The following HDAC4 variants were observed in gnomAD, a reference collection of about 807,000 sequenced individuals.
HDAC4 encodes histone deacetylase A.
A neutral mutation model predicts 135.1 loss-of-function variants in HDAC4; 16 were observed. That is an observed-to-expected ratio of 0.12 (90% CI 0.08 to 0.18). HDAC4 has a LOEUF of 0.18. Among genes scored for constraint, HDAC4 ranks in the 10% least tolerant of loss-of-function variants. The probability of loss-of-function intolerance (pLI) is 1.00; values close to 1 mark genes in which losing one functional copy is unlikely to be tolerated. For missense variants in HDAC4, 1,143 were observed against 1,511.8 expected, an observed-to-expected ratio of 0.76 and a Z score of 4.05; for synonymous variants, 685 against 653.4, an observed-to-expected ratio of 1.05 and a Z score of -0.74.
intron 22 of HDAC4, among the ~76,000 whole-genome samples, chr2:239,069,785 G>C (rs2033971617): frequency 6.6e-6 from 1 of 150,996 alleles, no homozygotes; most frequent in African/African-American, 2.4e-5. Flanking sequence ...CACTGCACTT[G>C]CTTGGTGAGA....
rs925260466 is a variant in HDAC4 at position 239,308,033 on chromosome 2, G to A, written c.22+44645C>T. On this transcript the variant is annotated intron_variant, in intron 2 of 26. Coordinates refer to ENST00000543185, the MANE Select transcript of HDAC4 (RefSeq NM_001378414.1). This position sits in a 1 kb window ranked among gnomAD's most constrained non-coding sequence, Gnocchi z 4.2. The stretch of plus-strand genomic sequence containing the variant: ...GTGGCCACACAGCAACGAGCTGCGA[G>A]GAGCCAAGGATGGCCCATCCCACCC... Among the ~76,000 whole-genome samples the A allele has an allele frequency of 6.6e-6, 1 of 152,218 alleles. No homozygotes were observed. The highest frequency in any genetic ancestry group is 1.5e-5 in the Non-Finnish European group (1 of 68,040).
intron 17 of HDAC4, chr2:239,094,786 C>T: frequency 7.1e-7 from 1 of 1,409,284 alleles, no homozygotes; most frequent in Non-Finnish European, 9.3e-7. Flanking sequence ...CCCCAGAGCC[C>T]CAGCCACCTG....
chr2:239,148,702 T>C (rs952211609), intron 7 of HDAC4, among the ~76,000 whole-genome samples: 3 of 152,194 alleles, frequency 2.0e-5, no homozygotes, highest in Admixed American at 6.5e-5. Flanking sequence ...CAAGAGCCAC[T>C]GGAAGACGTG....
rs375904820 is a variant in HDAC4 at position 239,115,332 on chromosome 2, T to G, written c.1534-22A>C. ...TGATCTGCAAGGCGGAGGTAACACA[T>G]GAAGCACAGAGAGCTGGGTCCTCTG... On this transcript the variant is annotated intron_variant, in intron 12 of 26. Coordinates refer to ENST00000543185, the MANE Select transcript of HDAC4 (RefSeq NM_001378414.1). This position sits in a 1 kb window ranked among gnomAD's most constrained non-coding sequence, Gnocchi z 6.3. 95 of 1,612,732 alleles carry G rather than the reference T, an allele frequency of 5.9e-5. No homozygotes were observed. The Middle Eastern group carries it at 1.3e-3, about 22-fold the overall frequency.
In HDAC4 at chr2:239,068,337, T is replaced by C. The variant is rs561966813; in HGVS notation, c.2869+152A>G. On this transcript the variant is annotated intron_variant, in intron 23 of 26. Coordinates refer to ENST00000543185, the MANE Select transcript of HDAC4 (RefSeq NM_001378414.1). This position sits in a 1 kb window ranked among gnomAD's most constrained non-coding sequence, Gnocchi z 4.4. ...TCTGGGCTCTCTGGGGCCTCCCAAA[T>C]GGACTGGTTCCCAGTACGGTCAGAA... is the stretch of plus-strand genomic sequence containing the variant. 1.6e-6 allele frequency: 1 copy of C among 636,298 alleles called. No homozygotes were observed. Among genetic ancestry groups the C allele is most frequent in the South Asian group, 1.8e-5 (1 of 55,260 alleles). 39.4% of individuals were successfully genotyped at this position (636,298 alleles called of 1,614,324 possible).
chr2:239,059,478 C>CTA (rs2032355206), intron 24 of HDAC4, among the ~76,000 whole-genome samples: 1 of 152,096 alleles, frequency 6.6e-6, no homozygotes, highest in Non-Finnish European at 1.5e-5. Flanking sequence ...GGGGCCCCGG[C>CTA]TACAGGCAGA....
chr2:239,182,622 TC>T (rs1216255447), intron 4 of HDAC4, among the ~76,000 whole-genome samples: 6 of 152,060 alleles, frequency 3.9e-5, no homozygotes, highest in Non-Finnish European at 8.8e-5. Context: ...AGGGAGGCAT[TC>T]CACCTTATTA....
intron 2 of HDAC4, among the ~76,000 whole-genome samples, chr2:239,325,581 C>T (rs557510560): frequency 1.6e-4 from 24 of 152,240 alleles, no homozygotes; most frequent in Admixed American, 1.2e-3. Flanking sequence ...AATATTGGTG[C>T]GGATGTGAAG....
intron 3 of HDAC4, among the ~76,000 whole-genome samples, chr2:239,197,590 C>A (rs2045475650): frequency 6.6e-6 from 1 of 152,188 alleles, no homozygotes. Flanking sequence ...AATACTGGGT[C>A]TTTTCCATCC....
chr2:239,168,649 G>A (rs1458318848), intron 5 of HDAC4, among the ~76,000 whole-genome samples: 8 of 152,154 alleles, frequency 5.3e-5, no homozygotes, highest in African/African-American at 9.7e-5. Context: ...CCCCCGCGCC[G>A]GCCCGCCACT....
At chr2:239,335,025 A>C (rs1296343827) in intron 2 of HDAC4, among the ~76,000 whole-genome samples, 1 of 6,958 alleles carries the variant, frequency 1.4e-4, no homozygotes, top group Non-Finnish European at 3.2e-4. Context: ...ACTCCATCTC[A>C]AAAAAAAAAA....
At position 239,285,822 on chromosome 2, in the gene HDAC4, G is replaced by A. The variant is rs76527817; in HGVS notation, c.23-49158C>T. Among the ~76,000 whole-genome samples, 5,503 of 152,206 alleles carry A rather than the reference G, an allele frequency of 0.036. 128 individuals are homozygous for A. Among genetic ancestry groups the A allele is most frequent in the East Asian group, 0.084 (435 of 5,186 alleles). ...AGGACTGCATGGGGGTCAGGACCGA[G>A]GTGAGCCCAGAGCTGCAGCGTTCAG... On this transcript the variant is annotated intron_variant, in intron 2 of 26. Coordinates refer to ENST00000543185, the MANE Select transcript of HDAC4 (RefSeq NM_001378414.1). The surrounding 1 kb of genome is among the most constrained non-coding windows in gnomAD (Gnocchi z 4.5).
intron 9 of HDAC4, among the ~76,000 whole-genome samples, chr2:239,135,472 G>A (rs2040887317): frequency 6.6e-6 from 1 of 152,204 alleles, no homozygotes; most frequent in Admixed American, 6.5e-5. Flanking sequence ...AAGGTATTCT[G>A]AAACCCAACA....
At chr2:239,261,057 G>A (rs2049332919) in intron 2 of HDAC4, among the ~76,000 whole-genome samples, 1 of 152,218 alleles carries the variant, frequency 6.6e-6, no homozygotes, top group African/African-American at 2.4e-5. Context: ...AAGGTTTCAG[G>A]TGGACGTTCT....
chr2:239,144,222 AT>A (rs1308449286), intron 8 of HDAC4, among the ~76,000 whole-genome samples: 2 of 152,192 alleles, frequency 1.3e-5, no homozygotes, highest in African/African-American at 2.4e-5. Flanking sequence ...AGGGCAGAGC[AT>A]GCGATTCACC....
chr2:239,342,912 G>A (rs1041110013), intron 2 of HDAC4, among the ~76,000 whole-genome samples: 1 of 152,142 alleles, frequency 6.6e-6, no homozygotes, highest in East Asian at 1.9e-4. Flanking sequence ...TATGGGCTTC[G>A]GTCTCCAAAT....
intron 16 of HDAC4, among the ~76,000 whole-genome samples, chr2:239,098,108 T>C (rs1485254685): frequency 1.3e-5 from 2 of 152,252 alleles, no homozygotes; most frequent in African/African-American, 2.4e-5. Context: ...TTGCTCATTA[T>C]CTAGCAAAGA....
intron 14 of HDAC4, among the ~76,000 whole-genome samples, chr2:239,109,128 G>A (rs932795830): frequency 6.6e-6 from 1 of 152,236 alleles, no homozygotes; most frequent in African/African-American, 2.4e-5. Flanking sequence ...CACCTGGCAG[G>A]AGGGCTGCCC....
intron 16 of HDAC4, among the ~76,000 whole-genome samples, chr2:239,098,904 A>C (rs2037361656): frequency 6.6e-6 from 1 of 152,246 alleles, no homozygotes. Flanking sequence ...CCTCACAGGA[A>C]TGTGAACAGA....
Sources: gnomAD v4.1 joint callset for allele counts (sites outside exome capture counted in the v4.1 genomes callset) on GRCh38, gnomAD v4.1.1 for gene constraint, Gnocchi (gnomAD v3.1) non-coding constraint, MANE v1.5 for transcripts, NCBI Gene and HGNC (gene_info 2026-07-23, HGNC 2026-07-21) for gene names.